TENM3: variants seen among roughly 807,000 people sequenced by gnomAD.
TENM3 encodes teneurin transmembrane protein 3, also known as teneurin-3.
A neutral mutation model predicts 255.1 loss-of-function variants in TENM3; 63 were observed. That is an observed-to-expected ratio of 0.25 (90% confidence interval 0.20 to 0.30). TENM3 has a LOEUF of 0.30. Ranked by LOEUF, TENM3 falls within the 10% of genes least tolerant of loss-of-function variation. The pLI is 1.00. For synonymous variants in TENM3, 1,306 were observed against 1,322.3 expected (o/e 0.99, Z 0.27); for missense variants, 2,929 against 3,461.1 (o/e 0.85, Z 3.86).
chr4:182,387,296 C>T (rs896143776), intron 3 of TENM3, among the ~76,000 whole-genome samples: 2 of 152,178 alleles, frequency 1.3e-5, no homozygotes, highest in Admixed American at 1.3e-4. Flanking sequence ...TATCTAGCTG[C>T]TCTGGTGGGG....
At chr4:181,490,432 T>C in the TENM3 span, among the ~76,000 whole-genome samples, 1 of 152,126 alleles carries the variant, frequency 6.6e-6, no homozygotes, top group Non-Finnish European at 1.5e-5. Flanking sequence ...GGGACAACGC[T>C]AATACTGCAA....
At chr4:182,254,952 A>T (rs1272282839) in intron 1 of TENM3, among the ~76,000 whole-genome samples, 1 of 152,164 alleles carries the variant, frequency 6.6e-6, no homozygotes, top group Non-Finnish European at 1.5e-5. Flanking sequence ...GTGTTTACGA[A>T]CCATGTGTGT....
chr4:182,470,550 A>G (rs1377707289), intron 3 of TENM3, among the ~76,000 whole-genome samples: 1 of 152,212 alleles, frequency 6.6e-6, no homozygotes, highest in African/African-American at 2.4e-5. Context: ...GGAAAAACAT[A>G]CATTAATGGC....
rs1187881070 is a variant in TENM3, at chr4:182,729,199, A to C, written c.2585+18A>C. On this transcript the variant is annotated intron_variant, in intron 14 of 27. Transcript: ENST00000511685. ...AATAAGAGGTTAATGCTTCTTTTCC[A>C]TATGTAGATTTGTAATGATGTTATC... 1.3e-6 allele frequency: 2 copies of C among 1,586,238 alleles called. No homozygotes were observed. Among genetic ancestry groups the C allele is most frequent in the Non-Finnish European group, 1.7e-6 (2 of 1,154,874 alleles).
chr4:181,472,300 G>A, the TENM3 span, among the ~76,000 whole-genome samples: 1 of 151,092 alleles, frequency 6.6e-6, no homozygotes, highest in Non-Finnish European at 1.5e-5. Context: ...GGAGGTAGTA[G>A]GGCAATGGTA....
intron 1 of TENM3, among the ~76,000 whole-genome samples, chr4:182,313,221 G>T (rs1762553819): frequency 6.6e-6 from 1 of 151,674 alleles, no homozygotes; most frequent in African/African-American, 2.4e-5. Flanking sequence ...CTAAGGCACT[G>T]TTCTATATAT....
the TENM3 span, among the ~76,000 whole-genome samples, chr4:181,952,849 T>C: frequency 6.6e-6 from 1 of 152,204 alleles, no homozygotes; most frequent in African/African-American, 2.4e-5. Context: ...GCTGTCACTG[T>C]TTTACATTCA....
At chr4:181,870,934 A>G in the TENM3 span, among the ~76,000 whole-genome samples, 1 of 152,050 alleles carries the variant, frequency 6.6e-6, no homozygotes, top group African/African-American at 2.4e-5. Flanking sequence ...ATTATCTTGA[A>G]TTAGTTTTTT....
chr4:182,531,144 C>G (rs550136711), intron 3 of TENM3, among the ~76,000 whole-genome samples: 2 of 152,090 alleles, frequency 1.3e-5, no homozygotes, highest in South Asian at 4.2e-4. Context: ...CCTGTGCTAT[C>G]GTGGAAATCA....
At chr4:182,089,120 C>T in the TENM3 span, among the ~76,000 whole-genome samples, 2 of 152,104 alleles carry the variant, frequency 1.3e-5, no homozygotes, top group African/African-American at 4.8e-5. Flanking sequence ...TCAATGGACA[C>T]CTCAACCTTG....
the TENM3 span, among the ~76,000 whole-genome samples, chr4:181,694,830 T>C: frequency 6.6e-6 from 1 of 152,236 alleles, no homozygotes; most frequent in Non-Finnish European, 1.5e-5. Context: ...TATCACTGGC[T>C]GTTTTGTGAT....
At chr4:182,417,041 T>C (rs535364656) in intron 3 of TENM3, among the ~76,000 whole-genome samples, 1 of 152,298 alleles carries the variant, frequency 6.6e-6, no homozygotes, top group East Asian at 1.9e-4. Context: ...TGGTGCGATC[T>C]CGGCTCACTG....
the TENM3 span, among the ~76,000 whole-genome samples, chr4:181,847,732 G>A: frequency 1.3e-5 from 2 of 151,840 alleles, no homozygotes; most frequent in Non-Finnish European, 2.9e-5. Context: ...TATACTATGT[G>A]TGTACGTACA....
the TENM3 span, among the ~76,000 whole-genome samples, chr4:181,754,734 C>T: frequency 4.7e-4 from 71 of 152,202 alleles, no homozygotes; most frequent in Non-Finnish European, 7.4e-4. Flanking sequence ...AGCAGGCAAA[C>T]GCAACTACAG....
At chr4:181,910,617 CGTGT>C in the TENM3 span, among the ~76,000 whole-genome samples, 3 of 143,036 alleles carry the variant, frequency 2.1e-5, no homozygotes, top group African/African-American at 5.2e-5. Flanking sequence ...TATAAATACA[CGTGT>C]GTGTGTGTAT....
At chr4:182,698,041 G>A (rs1386701371) in intron 12 of TENM3, 1 of 152,144 alleles carries the variant, frequency 6.6e-6, no homozygotes, top group Admixed American at 6.5e-5. Flanking sequence ...AGGACATGGA[G>A]CCTTGGGTTC....
At chr4:182,035,895 C>T in the TENM3 span, among the ~76,000 whole-genome samples, 1 of 152,298 alleles carries the variant, frequency 6.6e-6, no homozygotes, top group Admixed American at 6.5e-5. Context: ...TGACACCCAA[C>T]CTCCTGCTAC....
the TENM3 span, among the ~76,000 whole-genome samples, chr4:181,589,555 G>T: frequency 6.6e-5 from 10 of 152,070 alleles, no homozygotes; most frequent in Admixed American, 5.9e-4. Flanking sequence ...AATGTTTAGG[G>T]GGGGCAAAAT....
chr4:182,780,668 T>C (rs1363596923), intron 24 of TENM3, among the ~76,000 whole-genome samples: 3 of 148,004 alleles, frequency 2.0e-5, no homozygotes, highest in African/African-American at 7.6e-5. Context: ...TTTCACGATA[T>C]TGATTCTTCC....
Sources: allele counts gnomAD v4.1 joint callset (sites outside exome capture counted in the v4.1 genomes callset), GRCh38; gene constraint gnomAD v4.1.1; transcripts MANE v1.5; gene names NCBI Gene and HGNC (gene_info 2026-07-23, HGNC 2026-07-21).